RBMS3: variants seen among roughly 807,000 people sequenced by gnomAD.
RBMS3 encodes the protein RNA-binding motif, single-stranded-interacting protein 3.
A neutral mutation model predicts 66.8 loss-of-function variants in RBMS3; 27 were observed. The ratio of observed to expected loss-of-function variants is 0.40; its 90% confidence interval spans 0.30 to 0.56. The LOEUF is 0.56. RBMS3 is among the 20% of genes least tolerant of loss of function. RBMS3 has a pLI of 0.40. For missense variants in RBMS3, 513 were observed against 549.5 expected, an observed-to-expected ratio of 0.93 and a Z score of 0.66; for synonymous variants, 188 against 183.0, an observed-to-expected ratio of 1.03 and a Z score of -0.22.
intron 8 of RBMS3, among the ~76,000 whole-genome samples, chr3:29,893,249 AG>A (rs1386132644): frequency 6.6e-6 from 1 of 151,510 alleles, no homozygotes; most frequent in African/African-American, 2.4e-5. Context: ...TTTGATGGAT[AG>A]GATTAGAGCA....
chr3:29,304,745 C>T (rs1307162903), intron 1 of RBMS3, among the ~76,000 whole-genome samples: 1 of 151,906 alleles, frequency 6.6e-6, no homozygotes. Context: ...CGGATATTAC[C>T]ACCCACTTTG....
At chr3:29,948,684 A>C (rs1431070349) in intron 12 of RBMS3, among the ~76,000 whole-genome samples, 1 of 151,828 alleles carries the variant, frequency 6.6e-6, no homozygotes, top group Non-Finnish European at 1.5e-5. Flanking sequence ...ACACGTGAAA[A>C]TCAGTTTCAT....
chr3:29,508,668 C>CT lies in RBMS3; in HGVS notation c.307+20178dup, dbSNP rs965427906. On this transcript the variant is annotated intron_variant, in intron 3 of 14. Coordinates refer to ENST00000383767, the MANE Select transcript of RBMS3 (RefSeq NM_001003793.3). Reference sequence around the variant, plus strand: ...TAGTGCTGCAGTAAACATACGTGCGCTTTTTTTTTATAGTAGAATGATTTT... The same window carrying CT: ...TAGTGCTGCAGTAAACATACGTGCGCTTTTTTTTTTATAGTAGAATGATTTT... 3.3e-3 allele frequency among the ~76,000 whole-genome samples: 501 copies of CT among 150,754 alleles called. 2 individuals carry two copies. The highest frequency in any genetic ancestry group is 1.6e-3 in the African/African-American group (67 of 41,082).
chr3:29,299,210 A>G (rs2033499235), intron 1 of RBMS3, among the ~76,000 whole-genome samples: 1 of 151,906 alleles, frequency 6.6e-6, no homozygotes, highest in South Asian at 2.1e-4. Context: ...CTAGAATAAA[A>G]GTAGAAACAT....
intron 2 of RBMS3, among the ~76,000 whole-genome samples, chr3:29,472,674 G>A (rs371057085): frequency 4.7e-4 from 71 of 152,092 alleles, no homozygotes; most frequent in East Asian, 3.9e-3. Context: ...TTAAGGCGGC[G>A]CGTCTGGAGT....
At chr3:29,824,035 G>T (rs964709686) in intron 6 of RBMS3, among the ~76,000 whole-genome samples, 3 of 151,664 alleles carry the variant, frequency 2.0e-5, no homozygotes, top group African/African-American at 4.8e-5. Context: ...TACTTTTTAG[G>T]TGCCTCCATA....
chr3:29,771,322 C>T (rs1304744628), intron 6 of RBMS3, among the ~76,000 whole-genome samples: 1 of 152,002 alleles, frequency 6.6e-6, no homozygotes, highest in Admixed American at 6.6e-5. Flanking sequence ...TTATCTCTCC[C>T]ATCTTCCTTA....
chr3:29,395,655 T>A (rs1332294867), intron 1 of RBMS3, among the ~76,000 whole-genome samples: 1 of 152,214 alleles, frequency 6.6e-6, no homozygotes, highest in Admixed American at 6.5e-5. Flanking sequence ...TTCAAGTGAA[T>A]CATTGTCTTA....
chr3:29,815,570 G>A (rs1269521138), intron 6 of RBMS3, among the ~76,000 whole-genome samples: 5 of 152,098 alleles, frequency 3.3e-5, no homozygotes, highest in African/African-American at 4.8e-5. Context: ...TAAAGAAAAT[G>A]TGGTATATAT....
intron 1 of RBMS3, among the ~76,000 whole-genome samples, chr3:29,346,865 C>G (rs2036607165): frequency 6.6e-6 from 1 of 152,186 alleles, no homozygotes; most frequent in Non-Finnish European, 1.5e-5. Flanking sequence ...GGTGTTGAAG[C>G]TCTTTGTACA....
At chr3:29,651,333 A>G (rs1479323822) in intron 4 of RBMS3, among the ~76,000 whole-genome samples, 6 of 152,208 alleles carry the variant, frequency 3.9e-5, no homozygotes, top group African/African-American at 1.4e-4. Context: ...TACATTTTTG[A>G]AAGAAATCAG....
At chr3:29,487,815 A>G (rs2043378415) in intron 2 of RBMS3, among the ~76,000 whole-genome samples, 2 of 152,192 alleles carry the variant, frequency 1.3e-5, no homozygotes, top group African/African-American at 4.8e-5. Flanking sequence ...AGATGATCAA[A>G]TGATGCAAAA....
At chr3:29,667,525 T>A (rs981164631) in intron 4 of RBMS3, among the ~76,000 whole-genome samples, 3 of 152,222 alleles carry the variant, frequency 2.0e-5, no homozygotes, top group Admixed American at 2.0e-4. Context: ...CACTGATTGT[T>A]CCTGTTCTGT....
At chr3:29,721,264 G>C (rs1276495480) in intron 4 of RBMS3, among the ~76,000 whole-genome samples, 1 of 151,968 alleles carries the variant, frequency 6.6e-6, no homozygotes. Context: ...CACATGTAAG[G>C]ACTCTTTAAT....
chr3:29,601,179 A>T (rs2048130300), intron 4 of RBMS3, among the ~76,000 whole-genome samples: 1 of 151,836 alleles, frequency 6.6e-6, no homozygotes, highest in African/African-American at 2.4e-5. Flanking sequence ...GTATAAATAT[A>T]TAAGTACATA....
At chr3:29,961,382 G>C (rs575825635) in intron 12 of RBMS3, among the ~76,000 whole-genome samples, 1 of 152,192 alleles carries the variant, frequency 6.6e-6, no homozygotes, top group Admixed American at 6.5e-5. Context: ...ACATCTTCCT[G>C]TCTTCTTCTG....
intron 3 of RBMS3, among the ~76,000 whole-genome samples, chr3:29,514,460 G>C (rs1159354707): frequency 6.6e-6 from 1 of 151,668 alleles, no homozygotes; most frequent in Admixed American, 6.6e-5. Context: ...TTAGTAACCT[G>C]ACATTTAGCA....
intron 1 of RBMS3, among the ~76,000 whole-genome samples, chr3:29,369,451 G>C (rs1485567742): frequency 5.4e-5 from 8 of 149,478 alleles, no homozygotes; most frequent in Non-Finnish European, 1.2e-4. Context: ...TCTTAAGCCA[G>C]TGTCCCCACC....
intron 4 of RBMS3, among the ~76,000 whole-genome samples, chr3:29,646,575 A>T (rs534584438): frequency 6.6e-6 from 1 of 152,120 alleles, no homozygotes; most frequent in African/African-American, 2.4e-5. Flanking sequence ...GTATGTCTAC[A>T]TTTAAATACT....
Sources: gnomAD v4.1 joint callset for allele counts (sites outside exome capture counted in the v4.1 genomes callset) on GRCh38, gnomAD v4.1.1 for gene constraint, MANE v1.5 for transcripts, NCBI Gene and HGNC (gene_info 2026-07-23, HGNC 2026-07-21) for gene names.